The following SH3PXD2A variants were observed in gnomAD, a reference collection of about 807,000 sequenced individuals.
The protein encoded by SH3PXD2A is SH3 and PX domains 2A, also known as SH3 and PX domain-containing protein 2A.
A neutral mutation model predicts 115.2 loss-of-function variants in SH3PXD2A; 32 were observed. That is an observed-to-expected ratio of 0.28 (90% CI 0.21 to 0.37). The LOEUF (loss-of-function observed/expected upper bound fraction) is 0.37. Among genes scored for constraint, SH3PXD2A ranks in the 10% least tolerant of loss-of-function variants. SH3PXD2A has a pLI of 1.00. For missense variants in SH3PXD2A, 1,328 were observed against 1,498.7 expected (o/e 0.89, Z 1.88); for synonymous variants, 610 against 629.1 (o/e 0.97, Z 0.45).
chr10:103,744,184 G>A (rs1440281479), intron 3 of SH3PXD2A, among the ~76,000 whole-genome samples: 2 of 147,630 alleles, frequency 1.4e-5, no homozygotes, highest in East Asian at 2.0e-4. Context: ...ACAGAGTTTC[G>A]CTCTTGTTGC....
rs963498589 is a variant in SH3PXD2A at position 103,756,649 on chromosome 10, G to A, written c.229+10445C>T. ...CCCCACGGATGCAGCCCACAGGCAG[G>A]AGTGGGGAGTGGTGGTGAGGTGAAA... On this transcript the variant is annotated intron_variant, in intron 3 of 14. Coordinates refer to ENST00000369774, the MANE Select transcript of SH3PXD2A (RefSeq NM_001394015.1). The surrounding 1 kb of genome is among the most constrained non-coding windows in gnomAD (Gnocchi z 4.4). Among the ~76,000 whole-genome samples the A allele has an allele frequency of 1.3e-5, 2 of 152,180 alleles. No individual in the cohort carries two copies. Among genetic ancestry groups the A allele is most frequent in the Non-Finnish European group, 2.9e-5 (2 of 68,026 alleles).
chr10:103,634,966 G>A (rs553564248), intron 8 of SH3PXD2A, among the ~76,000 whole-genome samples: 5 of 152,280 alleles, frequency 3.3e-5, no homozygotes, highest in East Asian at 1.9e-4. Context: ...TCCACATGGC[G>A]GTGGTCGTTA....
intron 3 of SH3PXD2A, among the ~76,000 whole-genome samples, chr10:103,753,417 A>G (rs1589441737): frequency 6.8e-6 from 1 of 147,360 alleles, no homozygotes; most frequent in South Asian, 2.2e-4. Flanking sequence ...AATTGCTTGA[A>G]CCCAGGAGGC....
At chr10:103,751,358 T>C (rs1163231737) in intron 3 of SH3PXD2A, among the ~76,000 whole-genome samples, 1 of 143,972 alleles carries the variant, frequency 6.9e-6, no homozygotes, top group Non-Finnish European at 1.5e-5. Flanking sequence ...TATATATGTC[T>C]ACTATGTGCC....
chr10:103,621,365 C>T (rs750415149), intron 10 of SH3PXD2A, among the ~76,000 whole-genome samples: 1 of 152,232 alleles, frequency 6.6e-6, no homozygotes, highest in Non-Finnish European at 1.5e-5. Flanking sequence ...TGTCAGCCCA[C>T]AGGGTCCAGC....
intron 11 of SH3PXD2A, among the ~76,000 whole-genome samples, chr10:103,614,968 AGTTAACACGTGG>A (rs1175701371): frequency 6.6e-6 from 1 of 152,190 alleles, no homozygotes; most frequent in African/African-American, 2.4e-5. Context: ...GGCAGAGGTG[AGTTAACACGTGG>A]GTGGGAGTCA....
At chr10:103,605,529 G>GC (rs1564841997) in intron 14 of SH3PXD2A, among the ~76,000 whole-genome samples, 1 of 152,138 alleles carries the variant, frequency 6.6e-6, no homozygotes, top group African/African-American at 2.4e-5. Flanking sequence ...TTGTTTCAAG[G>GC]CCCCCCTGTC....
chr10:103,809,753 C>G (rs1038851763), intron 1 of SH3PXD2A, among the ~76,000 whole-genome samples: 7 of 145,456 alleles, frequency 4.8e-5, no homozygotes, highest in African/African-American at 1.8e-4. Flanking sequence ...GGCGCCATCT[C>G]AGATCACTAC....
rs376126275 is a variant in SH3PXD2A, at chr10:103,595,193, G to T, written c.*6623C>A. On this transcript the variant is annotated 3_prime_UTR_variant, in exon 15 of 15. Transcript: ENST00000369774. The stretch of plus-strand genomic sequence containing the variant: ...GAGAACTGATGGGGACCCAGCGTGT[G>T]GCCCAATGAGTGGCAGTTTTTTCCT... The T allele has an allele frequency of 6.6e-6, 1 of 152,164 alleles. No individual in the cohort carries two copies. Among genetic ancestry groups the T allele is most frequent in the African/African-American group, 2.4e-5 (1 of 41,430 alleles). 9.4% of individuals were successfully genotyped at this position (152,164 alleles called of 1,614,324 possible).
intron 8 of SH3PXD2A, among the ~76,000 whole-genome samples, chr10:103,649,306 C>T (rs983095471): frequency 2.0e-5 from 3 of 152,200 alleles, no homozygotes; most frequent in Admixed American, 6.5e-5. Flanking sequence ...TGAGCAAAGC[C>T]GGTGCTCAGA....
chr10:103,823,338 T>G (rs2134293320), intron 1 of SH3PXD2A, among the ~76,000 whole-genome samples: 1 of 152,346 alleles, frequency 6.6e-6, no homozygotes, highest in African/African-American at 2.4e-5. Context: ...TGTAAGAAGG[T>G]GGCATTCCTG....
At chr10:103,818,887 A>C (rs2039349698) in intron 1 of SH3PXD2A, among the ~76,000 whole-genome samples, 1 of 152,164 alleles carries the variant, frequency 6.6e-6, no homozygotes, top group African/African-American at 2.4e-5. Flanking sequence ...GGCACCTGCA[A>C]CCATAGTGCC....
chr10:103,608,312 G>A (rs2036367037), intron 13 of SH3PXD2A, among the ~76,000 whole-genome samples: 1 of 149,894 alleles, frequency 6.7e-6, no homozygotes, highest in Non-Finnish European at 1.5e-5. Context: ...GGCCCTGTCG[G>A]CACCCTGATC....
At chr10:103,750,549 CG>C (rs2038564258) in intron 3 of SH3PXD2A, among the ~76,000 whole-genome samples, 1 of 152,114 alleles carries the variant, frequency 6.6e-6, no homozygotes. Flanking sequence ...ATGGACAGGG[CG>C]AGAGTCTGCC....
intron 8 of SH3PXD2A, among the ~76,000 whole-genome samples, chr10:103,648,685 A>G (rs751115913): frequency 1.3e-5 from 2 of 152,234 alleles, no homozygotes; most frequent in Non-Finnish European, 2.9e-5. Flanking sequence ...CATGACATTC[A>G]TCATATTCTT....
At chr10:103,827,973 A>T (rs904387416) in intron 1 of SH3PXD2A, among the ~76,000 whole-genome samples, 5 of 152,214 alleles carry the variant, frequency 3.3e-5, no homozygotes, top group Non-Finnish European at 7.3e-5. Context: ...AGGAAGGTGC[A>T]CAGAGCCTGG....
chr10:103,658,934 G>A (rs992582402), intron 8 of SH3PXD2A, among the ~76,000 whole-genome samples: 1 of 152,256 alleles, frequency 6.6e-6, no homozygotes, highest in African/African-American at 2.4e-5. Flanking sequence ...CCAGCAGGCA[G>A]TGGCAGGTAG....
intron 3 of SH3PXD2A, among the ~76,000 whole-genome samples, chr10:103,738,304 C>T (rs980048790): frequency 2.0e-5 from 3 of 152,220 alleles, no homozygotes; most frequent in Non-Finnish European, 4.4e-5. Context: ...TTGCCTCCTA[C>T]CCTTTTTTGG....
At chr10:103,660,900 G>T in intron 8 of SH3PXD2A, 83 bp downstream of exon 8, 1 of 1,401,678 alleles carries the variant, frequency 7.1e-7, no homozygotes, top group Non-Finnish European at 1.0e-6. Context: ...TGCAGCGGTG[G>T]GGGAGGAGGG....
Sources: allele counts gnomAD v4.1 joint callset (sites outside exome capture counted in the v4.1 genomes callset), GRCh38; gene constraint gnomAD v4.1.1; non-coding constraint Gnocchi (gnomAD v3.1); transcripts MANE v1.5; gene names NCBI Gene and HGNC (gene_info 2026-07-23, HGNC 2026-07-21).